The following POU6F1 variants were observed in gnomAD, a reference collection of about 807,000 sequenced individuals.
POU6F1 encodes the protein POU class 6 homeobox 1.
Under a neutral mutation model 28.9 loss-of-function variants are expected in POU6F1, and 9 were observed. The observed-to-expected ratio is 0.31, with a 90% CI of 0.19 to 0.54. POU6F1 has a LOEUF of 0.54. Ranked by LOEUF, POU6F1 falls within the 20% of genes least tolerant of loss-of-function variation. The pLI, the probability that POU6F1 is intolerant of heterozygous loss-of-function variation, is 0.94. For synonymous variants in POU6F1, 173 were observed against 171.1 expected, an observed-to-expected ratio of 1.01 and a Z score of -0.09; for missense variants, 338 against 426.1, an observed-to-expected ratio of 0.79 and a Z score of 1.82.
intron 1 of POU6F1, among the ~76,000 whole-genome samples, chr12:51,210,072 C>T (rs1394537309): frequency 6.6e-6 from 1 of 152,150 alleles, no homozygotes; most frequent in Non-Finnish European, 1.5e-5. Context: ...ATCCTTCCAC[C>T]TTAACCACCA....
chr12:51,200,654 T>C (rs1943150440), intron 3 of POU6F1, among the ~76,000 whole-genome samples: 1 of 152,156 alleles, frequency 6.6e-6, no homozygotes, highest in Non-Finnish European at 1.5e-5. Flanking sequence ...AGTTGAGTGA[T>C]GGATATAGGA....
At chr12:51,212,078 TTTTTG>T (rs1944029477) in intron 1 of POU6F1, among the ~76,000 whole-genome samples, 2 of 147,902 alleles carry the variant, frequency 1.4e-5, no homozygotes, top group South Asian at 4.2e-4. Flanking sequence ...TTTTTTGTTT[TTTTTG>T]TTTTGTTTGT....
intron 8 of POU6F1, among the ~76,000 whole-genome samples, chr12:51,193,819 TATTTGGTATG>T (rs1942617680): frequency 6.6e-6 from 1 of 152,128 alleles, no homozygotes; most frequent in Non-Finnish European, 1.5e-5. Flanking sequence ...TATATGAAAG[TATTTGGTATG>T]ATTAAAAAGA....
In POU6F1 at chr12:51,192,402, C is replaced by T. The variant is rs139629485; in HGVS notation, c.1249G>A (p.Ala417Thr). ...ATAGGAGCAGAGGCAGATGGCTTGG[C>T]GGCTGGAGCTGGGCTGGCAATGACC... ...AVVIASPAPA[A>T]KPSASAPIPI... Residue 417 changes from alanine (A) to threonine (T), a missense_variant, in exon 9 of 11, where the codon GCC becomes ACC. By Grantham distance (58) the Ala-to-Thr change is moderately conservative. This residue lies in a region of POU6F1 where 206 missense variants were observed against 225.6 expected (regional missense o/e 0.91). Coordinates refer to ENST00000333640, the MANE Select transcript of POU6F1 (RefSeq NM_001330422.2). 424 of 1,614,074 alleles carry T rather than the reference C, an allele frequency of 2.6e-4. No homozygotes were observed. The highest frequency in any genetic ancestry group is 1.3e-3 in the African/African-American group (97 of 75,026).
chr12:51,212,907 G>C (rs1282466535), intron 1 of POU6F1, among the ~76,000 whole-genome samples: 3 of 150,882 alleles, frequency 2.0e-5, no homozygotes, highest in African/African-American at 7.3e-5. Flanking sequence ...GAATCTACAA[G>C]AGGGACACCT....
intron 1 of POU6F1, among the ~76,000 whole-genome samples, chr12:51,210,511 T>C (rs1056367131): frequency 7.2e-5 from 11 of 152,172 alleles, no homozygotes; most frequent in African/African-American, 2.7e-4. Context: ...AGTCTTGTTG[T>C]GGCGTCTGGC....
chr12:51,198,043 C>T lies in POU6F1; in HGVS notation c.593-20G>A. On this transcript the variant is annotated intron_variant, in intron 5 of 10. Transcript: ENST00000333640. ...CAGCTGCTATGGAGCAAGGCAGAGA[C>T]AGAGGTGCTCAAATGCCTAGCCACT... The T allele has an allele frequency of 5.0e-6, 2 of 399,304 alleles. No individual in the cohort carries two copies. The highest frequency in any genetic ancestry group is 7.1e-5 in the East Asian group (2 of 28,062). 24.7% of individuals were successfully genotyped at this position (399,304 alleles called of 1,614,324 possible). A position where few individuals can be genotyped will look rare whatever the true frequency, so the allele number is the denominator to read the frequency against.
At chr12:51,194,588 C>T (rs1361308731) in intron 8 of POU6F1, among the ~76,000 whole-genome samples, 15 of 148,022 alleles carry the variant, frequency 1.0e-4, no homozygotes, top group Non-Finnish European at 2.1e-4. Flanking sequence ...TGCAGTGAGC[C>T]AAGGTCACAT....
At chr12:51,192,550 A>G in intron 8 of POU6F1, 79 bp from the exon 9 acceptor site, 2 of 1,550,764 alleles carry the variant, frequency 1.3e-6, no homozygotes, top group Non-Finnish European at 8.7e-7. Flanking sequence ...GACCAGAGGC[A>G]GGGCAAAAAC....
chr12:51,206,702 AGT>A (rs1346327864), intron 2 of POU6F1, 85 bp downstream of exon 2: 1 of 398,434 alleles, frequency 2.5e-6, no homozygotes, highest in Non-Finnish European at 4.4e-6. Flanking sequence ...AGAAACAGAG[AGT>A]GAAGGGCCCT....
chr12:51,190,748 C>G lies in POU6F1; in HGVS notation c.1491-156G>C, dbSNP rs544951636. ...TCCCCTCACCACCTCCACCAAGACC[C>G]CTCTAGTTTGGCCAAGCCCAGACTC... On this transcript the variant is annotated intron_variant, in intron 10 of 10. Transcript: ENST00000333640. The surrounding 1 kb of genome is among the most constrained non-coding windows in gnomAD (Gnocchi z 4.5). 6.6e-6 allele frequency among the ~76,000 whole-genome samples: 1 copy of G among 152,180 alleles called. No individual in the cohort carries two copies. The highest frequency in any genetic ancestry group is 1.5e-5 in the Non-Finnish European group (1 of 68,018).
chr12:51,217,328 G>A lies in POU6F1; in HGVS notation c.-48+314C>T, dbSNP rs972730634. 2.8e-4 allele frequency among the ~76,000 whole-genome samples: 42 copies of A among 152,048 alleles called. No individual in the cohort carries two copies. The highest frequency in any genetic ancestry group is 9.9e-4 in the African/African-American group (41 of 41,416). ...GGCAGAAACGGGGAGGGGCCAGGTCGGGGTTCCCCACCGGGTCCACCTGGC... is the reference window on the plus strand; with the variant it reads ...GGCAGAAACGGGGAGGGGCCAGGTCAGGGTTCCCCACCGGGTCCACCTGGC... On this transcript the variant is annotated intron_variant, in intron 1 of 10. Coordinates refer to ENST00000333640, the MANE Select transcript of POU6F1 (RefSeq NM_001330422.2). This position sits in a 1 kb window ranked among gnomAD's most constrained non-coding sequence, Gnocchi z 5.3.
intron 3 of POU6F1, among the ~76,000 whole-genome samples, chr12:51,200,918 C>T (rs1282768382): frequency 6.6e-6 from 1 of 152,176 alleles, no homozygotes; most frequent in African/African-American, 2.4e-5. Context: ...GTCTCGAACT[C>T]CTGACCTCAA....
At chr12:51,207,998 C>G (rs1264517267) in intron 1 of POU6F1, among the ~76,000 whole-genome samples, 1 of 151,854 alleles carries the variant, frequency 6.6e-6, no homozygotes, top group African/African-American at 2.4e-5. Flanking sequence ...ATAGGTTGGG[C>G]GCAGAGGCTC....
chr12:51,191,591 C>T lies in POU6F1; in HGVS notation c.1490+5G>A, dbSNP rs1183250717. On this transcript the variant is annotated splice_donor_5th_base_variant and intron_variant, in intron 10 of 10. Coordinates refer to ENST00000333640, the MANE Select transcript of POU6F1 (RefSeq NM_001330422.2). ...CCTAATCCTGTCTAGGGCAGCCTTA[C>T]TCACCGGCAGATGGCTGACTGGCTG... 1.2e-6 allele frequency: 2 copies of T among 1,612,382 alleles called. No homozygotes were observed. The highest frequency in any genetic ancestry group is 1.7e-6 in the Non-Finnish European group (2 of 1,179,676).
At chr12:51,193,255 A>G (rs760814776) in intron 8 of POU6F1, among the ~76,000 whole-genome samples, 80 of 152,216 alleles carry the variant, frequency 5.3e-4, no homozygotes, top group Non-Finnish European at 1.0e-3. Flanking sequence ...GGGAGAAGGT[A>G]TACCTCTTAA....
chr12:51,213,544 T>C (rs1944136138), intron 1 of POU6F1, among the ~76,000 whole-genome samples: 1 of 151,934 alleles, frequency 6.6e-6, no homozygotes, highest in African/African-American at 2.4e-5. Context: ...TTTTATTTTA[T>C]TTTTTTGAGA....
Position 51,196,033 on chromosome 12 carries a change from G to T in POU6F1, c.1116C>A (p.Ser372Arg), listed in dbSNP as rs1565607700. ...QGQVIATLAS[S>R]PLPPPVAVRK... ...GGACAGCCACAGGTGGAGGCAGGGG[G>T]CTGCTAGCCAGGGTCGCAATCACCT... Residue 372 changes from serine to arginine, a missense_variant, in exon 8 of 11, where the codon AGC becomes AGA. Coordinates refer to ENST00000333640, the MANE Select transcript of POU6F1 (RefSeq NM_001330422.2). 3 of 1,610,954 alleles carry T rather than the reference G, an allele frequency of 1.9e-6. No homozygotes were observed. The highest frequency in any genetic ancestry group is 8.5e-7 in the Non-Finnish European group (1 of 1,179,316).
Position 51,212,776 on chromosome 12 carries a change from C to CAAA in POU6F1, c.-48+4863_-48+4865dup, listed in dbSNP as rs1176606531. 9.5e-3 allele frequency among the ~76,000 whole-genome samples: 352 copies of CAAA among 37,132 alleles called. 12 individuals carry two copies. The highest frequency in any genetic ancestry group is 0.05 in the East Asian group (43 of 866). 24.4% of individuals were successfully genotyped at this position (37,132 alleles called of 152,430 possible). ...GGGCAACAAGAGTGAAACTCCGTCT[C>CAAA]AAAAAAAAAAAAAAAAAAAAAAAAA... On this transcript the variant is annotated intron_variant, in intron 1 of 10. Coordinates refer to ENST00000333640, the MANE Select transcript of POU6F1 (RefSeq NM_001330422.2).
Sources: gnomAD v4.1 joint callset for allele counts (sites outside exome capture counted in the v4.1 genomes callset) on GRCh38, gnomAD v4.1.1 for gene constraint, gnomAD v4.1.1 regional missense constraint, Gnocchi (gnomAD v3.1) non-coding constraint, MANE v1.5 for transcripts, NCBI Gene and HGNC (gene_info 2026-07-23, HGNC 2026-07-21) for gene names.